Variants in ITGAE observed in about 807,000 individuals in gnomAD.
ITGAE encodes the protein integrin subunit alpha E, also known as integrin alpha-E.
A neutral mutation model predicts 136.5 loss-of-function variants in ITGAE; 99 were observed. The observed-to-expected ratio is 0.73, with a 90% CI of 0.62 to 0.86. The LOEUF is 0.86. ITGAE is among the 40% of genes least tolerant of loss of function. ITGAE has a pLI of 0.00. For missense variants in ITGAE, 1,447 were observed against 1,515.3 expected (o/e 0.95, Z 0.75); for synonymous variants, 613 against 591.8 (o/e 1.04, Z -0.52).
At chr17:3,737,385 G>C (rs1009376535) in intron 20 of ITGAE, among the ~76,000 whole-genome samples, 1 of 151,786 alleles carries the variant, frequency 6.6e-6, no homozygotes, top group East Asian at 1.9e-4. Context: ...AGGCAGGGGA[G>C]GGGGGACAGA....
At chr17:3,750,752 A>C (rs762792238) in intron 15 of ITGAE, among the ~76,000 whole-genome samples, 8 of 151,050 alleles carry the variant, frequency 5.3e-5, no homozygotes, top group Admixed American at 1.3e-4. Flanking sequence ...AGCCAGGGCC[A>C]GGGACGGGGT....
chr17:3,724,617 G>C (rs1474886519), intron 26 of ITGAE: 1 of 1,614,184 alleles, frequency 6.2e-7, no homozygotes, highest in South Asian at 1.1e-5. Flanking sequence ...GACAGGAGGA[G>C]CCAAGGACAC....
intron 1 of ITGAE, among the ~76,000 whole-genome samples, chr17:3,789,087 A>T (rs1008707903): frequency 6.6e-6 from 1 of 152,000 alleles, no homozygotes; most frequent in African/African-American, 2.4e-5. Flanking sequence ...TTCTACAAAA[A>T]AATTAAAAAA....
chr17:3,784,061 C>G (rs572047997), intron 1 of ITGAE, among the ~76,000 whole-genome samples: 3,038 of 152,214 alleles, frequency 0.02, 36 homozygotes, highest in Non-Finnish European at 0.031. Context: ...GAGATCAAGA[C>G]CATCCTGGCT....
intron 19 of ITGAE, among the ~76,000 whole-genome samples, chr17:3,742,931 C>CA: frequency 6.6e-6 from 1 of 152,338 alleles, no homozygotes; most frequent in South Asian, 2.1e-4. Context: ...GGATTACAGG[C>CA]ATCAGCCAGG....
rs34753665 is a variant in ITGAE at position 3,727,403 on chromosome 17, C to CT, written c.3084+515dup. Among the ~76,000 whole-genome samples the CT allele has an allele frequency of 4.8e-3, 673 of 141,436 alleles. 4 individuals are homozygous for CT. Among genetic ancestry groups the CT allele is most frequent in the Admixed American group, 5.3e-3 (75 of 14,156 alleles). The allele number at this position is 141,436 out of a possible 152,430, so 92.8% of individuals were successfully genotyped here. ...TCTACTGACAAGGTTTTAATTTTTG[C>CT]TTTTTTTTTTTTTTGAGATGGAGTC... On this transcript the variant is annotated intron_variant, in intron 26 of 30. Transcript: ENST00000263087.
At chr17:3,732,346 G>A (rs368776104) in intron 22 of ITGAE, 22 bp downstream of exon 22, 33 of 1,570,326 alleles carry the variant, frequency 2.1e-5, no homozygotes, top group African/African-American at 1.5e-4. Flanking sequence ...TGAGAAGAGC[G>A]AATCAGTCCA....
At chr17:3,734,021 G>C (rs1018667829) in intron 21 of ITGAE, among the ~76,000 whole-genome samples, 17 of 152,226 alleles carry the variant, frequency 1.1e-4, no homozygotes, top group African/African-American at 3.6e-4. Flanking sequence ...AGGCAAGAGG[G>C]ATAGGGGTTC....
At chr17:3,779,705 C>A (rs949307537) in intron 1 of ITGAE, among the ~76,000 whole-genome samples, 1 of 152,164 alleles carries the variant, frequency 6.6e-6, no homozygotes, top group Non-Finnish European at 1.5e-5. Flanking sequence ...ATAAAAGAAA[C>A]ACTCAAAAGT....
At chr17:3,753,167 A>G in intron 14 of ITGAE, 123 bp downstream of exon 14, 1 of 1,066,760 alleles carries the variant, frequency 9.4e-7, no homozygotes, top group Non-Finnish European at 1.3e-6. Context: ...ATCCAGCCTG[A>G]GCACCTCCCC....
chr17:3,715,644 G>A lies in ITGAE; in HGVS notation c.3445-702C>T, dbSNP rs536625110. Reference sequence around the variant, plus strand: ...AAGATGAGAAGATGGCTCGAGCCCCGGAGTTTGAGACCAGCCTGGGCAATA... The same window carrying A: ...AAGATGAGAAGATGGCTCGAGCCCCAGAGTTTGAGACCAGCCTGGGCAATA... On this transcript the variant is annotated intron_variant, in intron 30 of 30. Coordinates refer to ENST00000263087, the MANE Select transcript of ITGAE (RefSeq NM_002208.5). 9.9e-5 allele frequency among the ~76,000 whole-genome samples: 15 copies of A among 152,208 alleles called. No homozygotes were observed. In the South Asian group the frequency reaches 2.9e-3, roughly 29 times the overall value.
At chr17:3,726,403 C>A in intron 26 of ITGAE, 3 of 1,082,538 alleles carry the variant, frequency 2.8e-6, no homozygotes, top group Non-Finnish European at 4.1e-6. Context: ...TTTCAACCTC[C>A]ATCCCCACAG....
chr17:3,749,495 A>G (rs55890406), intron 16 of ITGAE, among the ~76,000 whole-genome samples: 122,922 of 151,950 alleles, frequency 0.81, 50,938 homozygotes, highest in African/African-American at 0.95. Flanking sequence ...CTTGTGATCC[A>G]CCCGCCTGGG....
chr17:3,756,542 C>T (rs2052031822), intron 10 of ITGAE, among the ~76,000 whole-genome samples: 1 of 150,810 alleles, frequency 6.6e-6, no homozygotes, highest in Non-Finnish European at 1.5e-5. Flanking sequence ...GCTGGGATCA[C>T]AGGCATGCAC....
chr17:3,725,762 G>T (rs1401764163), intron 26 of ITGAE: 1 of 1,592,522 alleles, frequency 6.3e-7, no homozygotes, highest in East Asian at 2.2e-5. Flanking sequence ...AGTTTGGAGG[G>T]ATTGACTTAG....
At chr17:3,726,596 G>A in intron 26 of ITGAE, 1 of 432,788 alleles carries the variant, frequency 2.3e-6, no homozygotes, top group Non-Finnish European at 4.1e-6. Flanking sequence ...GGGAGGCTGA[G>A]GCAGGAGGAT....
Position 3,731,011 on chromosome 17 carries a change from G to A in ITGAE, c.2834+93C>T, listed in dbSNP as rs150305315. 15 of 1,019,036 alleles carry A rather than the reference G, an allele frequency of 1.5e-5. No homozygotes were observed. In the African/African-American group the frequency reaches 1.7e-4, roughly 12 times the overall value. 63.1% of individuals were successfully genotyped at this position (1,019,036 alleles called of 1,614,324 possible). On this transcript the variant is annotated intron_variant, in intron 23 of 30. Transcript: ENST00000263087. ...CTGGGGTTTCCTTTCTCCCTGGGCT[G>A]TAAGGGGGCCGTTCCTCTCACAGCG...
Position 3,756,993 on chromosome 17 carries a change from T to A in ITGAE, c.1162A>T (p.Ser388Cys). 6.2e-7 allele frequency: 1 copy of A among 1,613,852 alleles called. No individual in the cohort carries two copies. The highest frequency in any genetic ancestry group is 1.3e-5 in the African/African-American group (1 of 75,070). ...GTCCCGGAGCCCTCACCTTCCATGC[T>A]GATGATGTTGTACCGCAGTTTGCTC... ...LLSKLRYNII[S>C]MEGTVGDALH... The change falls in exon 10 of 31, where the codon AGC (serine) becomes TGC (cysteine). Residue 388 changes from serine to cysteine, a missense_variant. By Grantham distance (112) the Ser-to-Cys change is moderately radical. This residue lies in a region of ITGAE where 310 missense variants were observed against 416.1 expected (regional missense o/e 0.74). Transcript: ENST00000263087.
At chr17:3,719,759 A>G (rs2472025) in intron 29 of ITGAE, among the ~76,000 whole-genome samples, 20,773 of 152,104 alleles carry the variant, frequency 0.14, 4,740 homozygotes, top group African/African-American at 0.47. Flanking sequence ...ACTGAGTCTC[A>G]CTCTATCACT....
Sources: gnomAD v4.1 joint callset for allele counts (sites outside exome capture counted in the v4.1 genomes callset) on GRCh38, gnomAD v4.1.1 for gene constraint, gnomAD v4.1.1 regional missense constraint, MANE v1.5 for transcripts, NCBI Gene and HGNC (gene_info 2026-07-23, HGNC 2026-07-21) for gene names.